The following ZNF23 variants were observed in gnomAD, a reference collection of about 807,000 sequenced individuals.
The protein encoded by ZNF23 is zinc finger protein 23.
A neutral mutation model predicts 56.2 loss-of-function variants in ZNF23; 48 were observed. That is an observed-to-expected ratio of 0.85 (90% CI 0.68 to 1.09). The LOEUF is 1.09. Among genes scored for constraint, ZNF23 ranks in the 50% least tolerant of loss-of-function variants. The probability of loss-of-function intolerance (pLI) is 0.00; values close to 1 mark genes in which losing one functional copy is unlikely to be tolerated. For missense variants in ZNF23, 805 were observed against 811.4 expected, an observed-to-expected ratio of 0.99 and a Z score of 0.10; for synonymous variants, 266 against 283.3, an observed-to-expected ratio of 0.94 and a Z score of 0.61.
At chr16:71,460,549 A>T (rs1383729883) in intron 1 of ZNF23, among the ~76,000 whole-genome samples, 1 of 152,162 alleles carries the variant, frequency 6.6e-6, no homozygotes, top group Non-Finnish European at 1.5e-5. Context: ...AAGTTTCCCA[A>T]TTCTTTTTAT....
intron 2 of ZNF23, 114 bp from the exon 3 acceptor site, chr16:71,454,282 G>A (rs1026538945): frequency 2.2e-6 from 3 of 1,359,108 alleles, no homozygotes; most frequent in Admixed American, 2.9e-5. Flanking sequence ...CACAAAATTA[G>A]TATTAACAAC....
In ZNF23 at chr16:71,449,560, G is replaced by A. The variant is rs376298376; in HGVS notation, c.594C>T (p.Leu198=). The A allele has an allele frequency of 3.8e-5, 61 of 1,614,002 alleles. No individual in the cohort carries two copies. Among genetic ancestry groups the A allele is most frequent in the Admixed American group, 2.8e-4 (17 of 60,022 alleles). Residue 198 remains leucine (L), a synonymous_variant, in exon 5 of 5, where the codon CTC becomes CTT. Coordinates refer to ENST00000647773, the MANE Select transcript of ZNF23 (RefSeq NM_001381984.1). The part of the protein sequence containing the change: ...LGKSISFDTK[L]VKHEIINSEE... ...CAGAATTAATTATTTCATGCTTCAC[G>A]AGTTTTGTATCAAAGCTGATGGATT...
chr16:71,455,603 C>T (rs1262958413), intron 2 of ZNF23, among the ~76,000 whole-genome samples: 1 of 152,068 alleles, frequency 6.6e-6, no homozygotes, highest in African/African-American at 2.4e-5. Flanking sequence ...GTGATCCAAC[C>T]ACCTCAGCCT....
chr16:71,453,484 C>A (rs906017761), intron 3 of ZNF23, 134 bp from the exon 4 acceptor site: 1 of 650,230 alleles, frequency 1.5e-6, no homozygotes, highest in Admixed American at 2.5e-5. Flanking sequence ...CTCAGGACTA[C>A]GGGAAAGTAC....
At position 71,448,374 on chromosome 16, in the gene ZNF23, G is replaced by A. The variant is rs1275581270; in HGVS notation, c.1780C>T (p.Gln594Ter). 1 of 1,614,036 alleles carries A rather than the reference G, an allele frequency of 6.2e-7. No homozygotes were observed. Among genetic ancestry groups the A allele is most frequent in the Admixed American group, 1.7e-5 (1 of 60,022 alleles). Residue 594 changes from glutamine (Q) to a stop codon, truncating the protein, a stop_gained, in exon 5 of 5, where the codon CAG (glutamine) becomes TAG (stop). Coordinates refer to ENST00000647773, the MANE Select transcript of ZNF23 (RefSeq NM_001381984.1). LOFTEE classifies it high-confidence loss of function. ...GGTTTCTCTCCTGTATGGATTCTCT[G>A]GTGCACAATATAGTTAGAACTACAG... is the stretch of plus-strand genomic sequence containing the variant. ...FSCSSNYIVH[Q>*]RIHTGEKPFQ... is the part of the protein sequence containing the mutation.
chr16:71,460,502 C>G (rs1485907804), intron 1 of ZNF23, among the ~76,000 whole-genome samples: 4 of 152,176 alleles, frequency 2.6e-5, no homozygotes, highest in Non-Finnish European at 5.9e-5. Flanking sequence ...ATGAGTAATT[C>G]TAACACTATG....
chr16:71,454,257 G>T, intron 2 of ZNF23, 89 bp from the exon 3 acceptor site: 1 of 1,469,162 alleles, frequency 6.8e-7, no homozygotes, highest in Non-Finnish European at 9.0e-7. Flanking sequence ...GGCTTGGGGA[G>T]GGTGCTTGTG....
chr16:71,454,316 A>T lies in ZNF23; in HGVS notation c.34-148T>A, dbSNP rs2043151482. On this transcript the variant is annotated intron_variant, in intron 2 of 4. Transcript: ENST00000647773. Reference sequence around the variant, plus strand: ...ACAAGGGGAAGATCTCAGAAAAAAAATATCGAGAAAGTAAACTACAAAGTA... The same window carrying T: ...ACAAGGGGAAGATCTCAGAAAAAAATTATCGAGAAAGTAAACTACAAAGTA... 3.6e-6 allele frequency: 4 copies of T among 1,115,690 alleles called. No individual in the cohort carries two copies. In the South Asian group the frequency reaches 7.8e-5, roughly 22 times the overall value. 69.1% of individuals were successfully genotyped at this position (1,115,690 alleles called of 1,614,324 possible).
chr16:71,447,941 T>C lies in ZNF23; in HGVS notation c.*152A>G. On this transcript the variant is annotated 3_prime_UTR_variant, in exon 5 of 5. Coordinates refer to ENST00000647773, the MANE Select transcript of ZNF23 (RefSeq NM_001381984.1). ...GATGTTTCTCTTTAACTGGTCATCC[T>C]TTCCTGATTTAAACTGAATAGAATA... 1.9e-6 allele frequency: 1 copy of C among 532,852 alleles called. No individual in the cohort carries two copies. The highest frequency in any genetic ancestry group is 3.1e-6 in the Non-Finnish European group (1 of 322,338). The allele number at this position is 532,852 out of a possible 1,614,324, so 33.0% of individuals were successfully genotyped here. A position where few individuals can be genotyped will look rare whatever the true frequency, so the allele number is the denominator to read the frequency against.
intron 3 of ZNF23, 154 bp from the exon 4 acceptor site, chr16:71,453,504 T>C (rs2043125368): frequency 5.0e-6 from 3 of 597,906 alleles, no homozygotes; most frequent in East Asian, 5.6e-5. Flanking sequence ...CTGTGGGGCT[T>C]AGGAAGGACT....
intron 4 of ZNF23, 115 bp downstream of exon 4, chr16:71,453,128 A>G: frequency 1.5e-6 from 1 of 680,814 alleles, no homozygotes. Context: ...AAATTTACTC[A>G]AACTTCACTC....
chr16:71,457,697 C>G (rs1036797876), intron 1 of ZNF23, among the ~76,000 whole-genome samples: 1 of 151,942 alleles, frequency 6.6e-6, no homozygotes, highest in Non-Finnish European at 1.5e-5. Flanking sequence ...TGCACTCCAG[C>G]CTGGGTGATG....
Position 71,449,294 on chromosome 16 carries a change from G to T in ZNF23, c.860C>A (p.Thr287Lys). 6.2e-7 allele frequency: 1 copy of T among 1,614,034 alleles called. No homozygotes were observed. Among genetic ancestry groups the T allele is most frequent in the Non-Finnish European group, 8.5e-7 (1 of 1,180,000 alleles). The change falls in exon 5 of 5, where the codon ACA becomes AAA. Residue 287 changes from threonine to lysine, a missense_variant. Thr to Lys is a moderately conservative substitution (Grantham distance 78). Transcript: ENST00000647773. ...ATAGGGCTTCTCCCCACTGTGGATTGTCTGATGTGTGATATAATGGGAACT... is the reference window on the plus strand; with the variant it reads ...ATAGGGCTTCTCCCCACTGTGGATTTTCTGATGTGTGATATAATGGGAACT... The part of the protein sequence containing the change: ...SYSSHYITHQ[T>K]IHSGEKPYQC...
rs987348331 is a variant in ZNF23 at position 71,449,657 on chromosome 16, C to T, written c.497G>A (p.Ser166Asn). 6 of 1,613,750 alleles carry T rather than the reference C, an allele frequency of 3.7e-6. No homozygotes were observed. Among genetic ancestry groups the T allele is most frequent in the Non-Finnish European group, 4.2e-6 (5 of 1,179,980 alleles). ...ETSPVEECFF[S>N]QSSNSYQCHT... Reference sequence around the variant, plus strand: ...ACACTGATATGAGTTTGAACTTTGACTAAAAAAACACTCCTCCACGGGGCT... The same window carrying T: ...ACACTGATATGAGTTTGAACTTTGATTAAAAAAACACTCCTCCACGGGGCT... The change falls in exon 5 of 5, where the codon AGT (serine) becomes AAT (asparagine). Residue 166 changes from serine to asparagine, a missense_variant. Ser to Asn is a conservative substitution (Grantham distance 46, BLOSUM62 1). Coordinates refer to ENST00000647773, the MANE Select transcript of ZNF23 (RefSeq NM_001381984.1).
At chr16:71,460,600 T>A (rs906849834) in intron 1 of ZNF23, among the ~76,000 whole-genome samples, 3 of 152,240 alleles carry the variant, frequency 2.0e-5, no homozygotes, top group African/African-American at 7.2e-5. Context: ...CAGACCAGTC[T>A]CATTTATGAA....
rs2042999621 is a variant in ZNF23, at chr16:71,450,027, G to A, written c.269-142C>T. 1.5e-5 allele frequency: 9 copies of A among 596,052 alleles called. No individual in the cohort carries two copies. In the South Asian group the frequency reaches 2.4e-4, roughly 16 times the overall value. 36.9% of individuals were successfully genotyped at this position (596,052 alleles called of 1,614,324 possible). A position where few individuals can be genotyped will look rare whatever the true frequency, so the allele number is the denominator to read the frequency against. On this transcript the variant is annotated intron_variant, in intron 4 of 4. Transcript: ENST00000647773. ...CAAAAAACATAGGGTTTCTCCATAA[G>A]GTGGGATAAGTAATTTGTAACTAAC...
chr16:71,462,193 C>T lies in ZNF23; in HGVS notation c.-33+17G>A, dbSNP rs1023333386. ...GGGACAGGGCACGGCACACAGCGCC[C>T]GGAGCCCTGCACTCACCTCCGTAGC... On this transcript the variant is annotated intron_variant, in intron 1 of 4. Transcript: ENST00000647773. The T allele has an allele frequency of 2.6e-5, 4 of 152,352 alleles. No homozygotes were observed. Among genetic ancestry groups the T allele is most frequent in the African/African-American group, 7.2e-5 (3 of 41,470 alleles). 9.4% of individuals were successfully genotyped at this position (152,352 alleles called of 1,614,324 possible). A position where few individuals can be genotyped will look rare whatever the true frequency, so the allele number is the denominator to read the frequency against.
Position 71,449,890 on chromosome 16 carries a change from A to C in ZNF23, c.269-5T>G, listed in dbSNP as rs561351398. ...CATTGTCAGTCTGAATATCTACTAT[A>C]AAAAACAGAAAACATAAAATGTCAT... On this transcript the variant is annotated splice_polypyrimidine_tract_variant and splice_region_variant and intron_variant, in intron 4 of 4. Transcript: ENST00000647773. 3 of 1,568,408 alleles carry C rather than the reference A, an allele frequency of 1.9e-6. No homozygotes were observed. Among genetic ancestry groups the C allele is most frequent in the Non-Finnish European group, 2.6e-6 (3 of 1,162,172 alleles).
chr16:71,449,936 AAGAAG>A, intron 4 of ZNF23, 51 bp from the exon 5 acceptor site: 1 of 1,446,408 alleles, frequency 6.9e-7, no homozygotes, highest in Non-Finnish European at 9.3e-7. Context: ...TGTTAGGAAA[AAGAAG>A]AGAACTGTGC....
Sources: gnomAD v4.1 joint callset for allele counts (sites outside exome capture counted in the v4.1 genomes callset) on GRCh38, gnomAD v4.1.1 for gene constraint, MANE v1.5 for transcripts, NCBI Gene and HGNC (gene_info 2026-07-23, HGNC 2026-07-21) for gene names.